Variants in CSNK1G3 observed in about 807,000 individuals in gnomAD.
The protein encoded by CSNK1G3 is casein kinase 1 gamma 3.
CSNK1G3 carries 23 observed loss-of-function variants against 64.3 expected under a neutral mutation model. The observed-to-expected ratio is 0.36, with a 90% confidence interval of 0.26 to 0.51. The LOEUF (loss-of-function observed/expected upper bound fraction) is 0.51. Ranked by LOEUF, CSNK1G3 falls within the 20% of genes least tolerant of loss-of-function variation. The pLI, the probability that CSNK1G3 is intolerant of heterozygous loss-of-function variation, is 0.96. For synonymous variants in CSNK1G3, 158 were observed against 162.2 expected, an observed-to-expected ratio of 0.97 and a Z score of 0.20; for missense variants, 357 against 510.5, an observed-to-expected ratio of 0.70 and a Z score of 2.90.
At chr5:123,559,014 C>T (rs1445852813) in intron 4 of CSNK1G3, among the ~76,000 whole-genome samples, 1 of 152,080 alleles carries the variant, frequency 6.6e-6, no homozygotes, top group Non-Finnish European at 1.5e-5. Context: ...CTGGAGGTTG[C>T]CACCAATAAC....
chr5:123,542,982 C>T (rs1311685876), intron 1 of CSNK1G3, among the ~76,000 whole-genome samples: 1 of 149,118 alleles, frequency 6.7e-6, no homozygotes. Context: ...CAGCTATTTA[C>T]TAGTGTTAAA....
At chr5:123,568,578 C>T (rs190230722) in intron 4 of CSNK1G3, among the ~76,000 whole-genome samples, 35 of 152,278 alleles carry the variant, frequency 2.3e-4, no homozygotes, top group African/African-American at 7.7e-4. Context: ...ATAGAAAGGT[C>T]GACGTTGAGT....
At chr5:123,579,193 T>C (rs1789765137) in intron 6 of CSNK1G3, among the ~76,000 whole-genome samples, 1 of 151,820 alleles carries the variant, frequency 6.6e-6, no homozygotes. Context: ...CATAACTCAG[T>C]AGGATGTGGC....
intron 8 of CSNK1G3, among the ~76,000 whole-genome samples, chr5:123,589,614 A>T (rs1027772125): frequency 6.6e-6 from 1 of 151,924 alleles, no homozygotes; most frequent in African/African-American, 2.4e-5. Flanking sequence ...ACCATCTCTT[A>T]CTGTAGTGAT....
intron 4 of CSNK1G3, among the ~76,000 whole-genome samples, chr5:123,566,798 G>C (rs1474345670): frequency 6.6e-6 from 1 of 151,098 alleles, no homozygotes; most frequent in Admixed American, 6.6e-5. Context: ...TTTTTTTCCT[G>C]ATTGCAAAAA....
exon 9 of CSNK1G3, chr5:123,590,487 C>T: frequency 6.5e-7 from 1 of 1,538,580 alleles, no homozygotes; most frequent in Non-Finnish European, 8.7e-7. Flanking sequence ...CTTAAGAAAG[C>T]TTTTTACTGA....
At chr5:123,540,054 G>A (rs981138998) in intron 1 of CSNK1G3, among the ~76,000 whole-genome samples, 7 of 151,890 alleles carry the variant, frequency 4.6e-5, no homozygotes, top group Non-Finnish European at 7.4e-5. Context: ...TAGAAATTTC[G>A]TTGACCTTTT....
At chr5:123,576,511 G>A (rs1561555850) in intron 6 of CSNK1G3, among the ~76,000 whole-genome samples, 1 of 152,004 alleles carries the variant, frequency 6.6e-6, no homozygotes, top group South Asian at 2.1e-4. Flanking sequence ...AACTTCACAG[G>A]ATTTTTTATA....
At chr5:123,591,091 C>T (rs144376004) in intron 9 of CSNK1G3, among the ~76,000 whole-genome samples, 1,778 of 151,942 alleles carry the variant, frequency 0.012, 42 homozygotes, top group African/African-American at 0.04. Flanking sequence ...AAAATAAGTA[C>T]TTTATAAAGA....
chr5:123,570,155 T>A (rs1032880414), intron 4 of CSNK1G3, among the ~76,000 whole-genome samples: 1 of 152,172 alleles, frequency 6.6e-6, no homozygotes, highest in African/African-American at 2.4e-5. Context: ...TTCAATTAAT[T>A]AAGACAGTGA....
chr5:123,564,176 G>A (rs1786357163), intron 4 of CSNK1G3, among the ~76,000 whole-genome samples: 1 of 151,984 alleles, frequency 6.6e-6, no homozygotes, highest in South Asian at 2.1e-4. Context: ...TGTTAAAGTT[G>A]TAGTTTATGG....
intron 6 of CSNK1G3, among the ~76,000 whole-genome samples, chr5:123,576,321 G>A (rs1189147798): frequency 6.6e-6 from 1 of 152,116 alleles, no homozygotes; most frequent in African/African-American, 2.4e-5. Context: ...ATTTTGGATT[G>A]AGACCATAGC....
intron 2 of CSNK1G3, among the ~76,000 whole-genome samples, chr5:123,552,007 T>A (rs2150349221): frequency 6.6e-6 from 1 of 152,336 alleles, no homozygotes; most frequent in East Asian, 1.9e-4. Flanking sequence ...CAATTGGAAT[T>A]TTCTAGATTA....
exon 13 of CSNK1G3, chr5:123,614,546 C>T: frequency 1.3e-5 from 7 of 557,396 alleles, no homozygotes; most frequent in South Asian, 7.6e-5. Flanking sequence ...TTGTGGTTGT[C>T]TTACATTCTT....
chr5:123,518,869 C>T (rs144902758), intron 1 of CSNK1G3, among the ~76,000 whole-genome samples: 43 of 152,282 alleles, frequency 2.8e-4, no homozygotes, highest in African/African-American at 9.1e-4. Context: ...AAGCGATTCT[C>T]GTGCTTCAGC....
chr5:123,612,923 A>G (rs1400195478), intron 12 of CSNK1G3, among the ~76,000 whole-genome samples: 3 of 152,236 alleles, frequency 2.0e-5, no homozygotes, highest in African/African-American at 7.2e-5. Context: ...AATATGATTT[A>G]TAAACATGCC....
In CSNK1G3 at chr5:123,614,530, T is replaced by C. The variant is rs574456915; in HGVS notation, c.*134T>C. The C allele has an allele frequency of 4.9e-5, 33 of 676,358 alleles. No individual in the cohort carries two copies. In the African/African-American group the frequency reaches 6.1e-4, roughly 12 times the overall value. The allele number at this position is 676,358 out of a possible 1,614,324, so 41.9% of individuals were successfully genotyped here. On this transcript the variant is annotated 3_prime_UTR_variant, in exon 13 of 13. Coordinates refer to ENST00000345990, the Ensembl canonical transcript of CSNK1G3. ...AAACAAAAATGTCATACTTTCATAC[T>C]TCATTTTGTGGTTGTCTTACATTCT...
intron 1 of CSNK1G3, among the ~76,000 whole-genome samples, chr5:123,521,597 A>G (rs1325816597): frequency 1.3e-5 from 2 of 152,196 alleles, no homozygotes; most frequent in African/African-American, 4.8e-5. Flanking sequence ...GCATTTGGGA[A>G]TGAGAATATC....
At chr5:123,599,976 T>C (rs1211933748) in intron 10 of CSNK1G3, among the ~76,000 whole-genome samples, 1 of 152,152 alleles carries the variant, frequency 6.6e-6, no homozygotes, top group Non-Finnish European at 1.5e-5. Context: ...TTGTTGAAAG[T>C]TGGTGAGCAT....
Sources: gnomAD v4.1 joint callset for allele counts (sites outside exome capture counted in the v4.1 genomes callset) on GRCh38, gnomAD v4.1.1 for gene constraint, MANE v1.5 for transcripts, NCBI Gene and HGNC (gene_info 2026-07-23, HGNC 2026-07-21) for gene names.